ANK2: variants seen among roughly 807,000 people sequenced by gnomAD.
ANK2 encodes the protein ankyrin-2.
Under a neutral mutation model 360.5 loss-of-function variants are expected in ANK2, and 83 were observed. That is an observed-to-expected ratio of 0.23 (90% CI 0.19 to 0.28). The LOEUF is 0.28. Among genes scored for constraint, ANK2 ranks in the 10% least tolerant of loss-of-function variants. The probability of loss-of-function intolerance (pLI) is 1.00; values close to 1 mark genes in which losing one functional copy is unlikely to be tolerated. For missense variants in ANK2, 4,201 were observed against 4,795.7 expected (o/e 0.88, Z 3.66); for synonymous variants, 1,740 against 1,759.5 (o/e 0.99, Z 0.28).
At chr4:112,883,144 T>G (rs1202747867) in intron 1 of ANK2, among the ~76,000 whole-genome samples, 1 of 148,320 alleles carries the variant, frequency 6.7e-6, no homozygotes. Flanking sequence ...GTTCAAGCGA[T>G]TCTCCTGCCT....
intron 35 of ANK2, among the ~76,000 whole-genome samples, chr4:113,347,479 CTG>C (rs1362018589): frequency 6.6e-6 from 1 of 152,114 alleles, no homozygotes; most frequent in Admixed American, 6.6e-5. Context: ...AGAAAGATGA[CTG>C]AGCTTTGGCT....
intron 26 of ANK2, among the ~76,000 whole-genome samples, chr4:113,327,138 A>G (rs1448310851): frequency 1.3e-5 from 2 of 152,160 alleles, no homozygotes; most frequent in African/African-American, 4.8e-5. Context: ...TTATAGGTAA[A>G]TTTATCTGCT....
chr4:112,834,610 A>G (rs2060592976), intron 1 of ANK2, among the ~76,000 whole-genome samples: 1 of 152,178 alleles, frequency 6.6e-6, no homozygotes, highest in Non-Finnish European at 1.5e-5. Flanking sequence ...TTCTAATATT[A>G]TAAGGACTTA....
At position 113,208,512 on chromosome 4, in the gene ANK2, A is replaced by G. The variant is rs960530933; in HGVS notation, c.384+9403A>G. Reference sequence around the variant, plus strand: ...AAGATTTGTTTGTTTATTTTATTTTATTTTTTTTGAGATGGAATCTCACTC... The same window carrying G: ...AAGATTTGTTTGTTTATTTTATTTTGTTTTTTTTGAGATGGAATCTCACTC... On this transcript the variant is annotated intron_variant, in intron 4 of 45. Transcript: ENST00000357077. Among the ~76,000 whole-genome samples, 22 of 151,444 alleles carry G rather than the reference A, an allele frequency of 1.5e-4. 1 individual carries two copies. The highest frequency in any genetic ancestry group is 4.9e-4 in the African/African-American group (20 of 41,054).
At chr4:113,046,520 G>C (rs6533663), upstream of ANK2, among the ~76,000 whole-genome samples, 72,604 of 151,572 alleles carry the variant, frequency 0.48, 17,485 homozygotes, top group African/African-American at 0.52. Context: ...TATAAAAGGG[G>C]TGGAGGGAAC....
At chr4:112,959,978 C>T (rs756121710) in intron 2 of ANK2, among the ~76,000 whole-genome samples, 32 of 152,062 alleles carry the variant, frequency 2.1e-4, no homozygotes, top group Non-Finnish European at 3.5e-4. Flanking sequence ...GAGTTTGAAA[C>T]CAGAAAAAGT....
chr4:113,175,874 G>A (rs1187172990), intron 2 of ANK2, among the ~76,000 whole-genome samples: 1 of 152,152 alleles, frequency 6.6e-6, no homozygotes, highest in Non-Finnish European at 1.5e-5. Context: ...GTCTCTTACC[G>A]TGAAAACATG....
chr4:113,148,716 G>A (rs377140100), intron 1 of ANK2, among the ~76,000 whole-genome samples: 4 of 152,226 alleles, frequency 2.6e-5, no homozygotes, highest in South Asian at 2.1e-4. Flanking sequence ...CTGTGATAGC[G>A]GGAGACAGAC....
intron 2 of ANK2, among the ~76,000 whole-genome samples, chr4:113,003,255 CAAAA>C (rs2051471701): frequency 6.6e-6 from 1 of 152,036 alleles, no homozygotes; most frequent in African/African-American, 2.4e-5. Flanking sequence ...TGCAAGGTCT[CAAAA>C]GAAGATATGA....
chr4:113,213,210 T>C (rs1012763053), intron 4 of ANK2, among the ~76,000 whole-genome samples: 2 of 152,234 alleles, frequency 1.3e-5, no homozygotes, highest in African/African-American at 2.4e-5. Context: ...AAATTCTAAA[T>C]GGAATATCAC....
At position 113,292,551 on chromosome 4, in the gene ANK2, T is replaced by G. The variant is rs200881270; in HGVS notation, c.2376+37T>G. ...GCCACTGCCCCTCACCACGCTTTCTTCTTTTTCCTCTCTTGCCCTGGTGGC... is the reference window on the plus strand; with the variant it reads ...GCCACTGCCCCTCACCACGCTTTCTGCTTTTTCCTCTCTTGCCCTGGTGGC... On this transcript the variant is annotated intron_variant, in intron 21 of 45. Transcript: ENST00000357077. 24 of 1,536,096 alleles carry G rather than the reference T, an allele frequency of 1.6e-5. No individual in the cohort carries two copies. In the East Asian group the frequency reaches 5.7e-4, roughly 37 times the overall value.
intron 12 of ANK2, 80 bp downstream of exon 12, chr4:113,258,228 T>A: frequency 6.3e-7 from 1 of 1,575,100 alleles, no homozygotes; most frequent in Non-Finnish European, 8.7e-7. Context: ...TCTTCTGTCC[T>A]CTTCACTCAA....
intron 2 of ANK2, among the ~76,000 whole-genome samples, chr4:113,188,464 T>A (rs896809969): frequency 6.6e-6 from 1 of 152,160 alleles, no homozygotes; most frequent in Non-Finnish European, 1.5e-5. Context: ...AGGGGGAAAC[T>A]TCTTTTGGTC....
chr4:112,988,897 A>C (rs2045819359), intron 2 of ANK2, among the ~76,000 whole-genome samples: 1 of 152,118 alleles, frequency 6.6e-6, no homozygotes, highest in Non-Finnish European at 1.5e-5. Context: ...CCCAAATGGT[A>C]AAAAAATTCT....
the ANK2 span, among the ~76,000 whole-genome samples, chr4:112,786,419 A>G: frequency 2.2e-5 from 3 of 137,022 alleles, no homozygotes; most frequent in African/African-American, 8.2e-5. Flanking sequence ...TTTTTCTGAG[A>G]TGGAGTCTTG....
At chr4:113,361,512 A>G (rs1281076083) in intron 39 of ANK2, among the ~76,000 whole-genome samples, 1 of 150,760 alleles carries the variant, frequency 6.6e-6, no homozygotes, top group Non-Finnish European at 1.5e-5. Context: ...GACTTAACCT[A>G]TTAAAGCAAG....
At chr4:113,089,647 G>T (rs1004450290) in intron 1 of ANK2, among the ~76,000 whole-genome samples, 1 of 152,138 alleles carries the variant, frequency 6.6e-6, no homozygotes, top group African/African-American at 2.4e-5. Flanking sequence ...CCAACATGGA[G>T]AAACCTCGTG....
At chr4:113,109,471 T>C (rs898622765) in intron 1 of ANK2, among the ~76,000 whole-genome samples, 8 of 152,198 alleles carry the variant, frequency 5.3e-5, no homozygotes, top group African/African-American at 1.9e-4. Context: ...CGTTATTTAT[T>C]ATTCTGCTCT....
chr4:113,376,759 G>C (rs1463086410), intron 45 of ANK2, among the ~76,000 whole-genome samples: 4 of 135,824 alleles, frequency 2.9e-5, no homozygotes, highest in South Asian at 2.4e-4. Flanking sequence ...ACTTTTTTCT[G>C]CTTTTAATTT....
Sources: gnomAD v4.1 joint callset for allele counts (sites outside exome capture counted in the v4.1 genomes callset) on GRCh38, gnomAD v4.1.1 for gene constraint, MANE v1.5 for transcripts, NCBI Gene and HGNC (gene_info 2026-07-23, HGNC 2026-07-21) for gene names.